ZNF462: variants seen among roughly 807,000 people sequenced by gnomAD.
ZNF462 encodes zinc finger protein 462.
ZNF462 carries 10 observed loss-of-function variants against 201.9 expected under a neutral mutation model. The observed-to-expected ratio is 0.05, with a 90% CI of 0.03 to 0.08. The LOEUF is 0.08. Among genes scored for constraint, ZNF462 ranks in the 10% least tolerant of loss-of-function variants. The probability of loss-of-function intolerance (pLI) is 1.00; values close to 1 mark genes in which losing one functional copy is unlikely to be tolerated. For missense variants in ZNF462, 2,523 were observed against 3,168.3 expected (o/e 0.80, Z 4.89); for synonymous variants, 1,227 against 1,193.3 (o/e 1.03, Z -0.58).
rs765320628 is a variant in ZNF462, at chr9:106,968,842, A to T, written c.6428-3163A>T. 5.3e-5 allele frequency among the ~76,000 whole-genome samples: 8 copies of T among 152,254 alleles called. No individual in the cohort carries two copies. Among genetic ancestry groups the T allele is most frequent in the Middle Eastern group, 3.4e-3 (1 of 294 alleles). ...ATGAAAGAAAATAGTCTTAATGATG[A>T]TTTTTAACTTATGTGACATGCCCTT... On this transcript the variant is annotated intron_variant, in intron 7 of 12. Coordinates refer to ENST00000277225, the MANE Select transcript of ZNF462 (RefSeq NM_021224.6). The surrounding 1 kb of genome is among the most constrained non-coding windows in gnomAD (Gnocchi z 4.0).
chr9:106,918,138 G>A lies in ZNF462; in HGVS notation c.-30-5216G>A, dbSNP rs1048672102. On this transcript the variant is annotated intron_variant, in intron 1 of 12. Coordinates refer to ENST00000277225, the MANE Select transcript of ZNF462 (RefSeq NM_021224.6). ...GATTCATCCACCTCGGCCTCCCAAA[G>A]TGCTGGAATTACAGGCGTGAGCCAC... 7.2e-5 allele frequency among the ~76,000 whole-genome samples: 11 copies of A among 152,074 alleles called. No individual in the cohort carries two copies. The South Asian group carries it at 2.3e-3, about 32-fold the overall frequency.
chr9:106,925,471 A>T lies in ZNF462; in HGVS notation c.1559A>T (p.Tyr520Phe), dbSNP rs144070292. Reference sequence around the variant, plus strand: ...TCACTGAATGAAGGTGTGGTGTCTTATGAGAGCTCAAGCATCAATGGTAGA... The same window carrying T: ...TCACTGAATGAAGGTGTGGTGTCTTTTGAGAGCTCAAGCATCAATGGTAGA... ...SSSLNEGVVS[Y>F]ESSSINGRKS... The change falls in exon 3 of 13, where the codon TAT (tyrosine) becomes TTT (phenylalanine). Residue 520 changes from tyrosine to phenylalanine, a missense_variant. Physicochemically the swap from Tyr to Phe is conservative, Grantham distance 22. Coordinates refer to ENST00000277225, the MANE Select transcript of ZNF462 (RefSeq NM_021224.6). The surrounding 1 kb of genome is among the most constrained non-coding windows in gnomAD (Gnocchi z 7.9). 1.3e-5 allele frequency: 21 copies of T among 1,614,040 alleles called. No individual in the cohort carries two copies. Among genetic ancestry groups the T allele is most frequent in the Non-Finnish European group, 1.6e-5 (19 of 1,180,036 alleles).
intron 1 of ZNF462, among the ~76,000 whole-genome samples, chr9:106,867,738 G>C (rs932953841): frequency 6.6e-6 from 1 of 152,152 alleles, no homozygotes; most frequent in Non-Finnish European, 1.5e-5. Context: ...TTTTTTCTGT[G>C]TGATGGAGTT....
At position 106,901,419 on chromosome 9, in the gene ZNF462, G is replaced by A. The variant is rs1322141664; in HGVS notation, c.-30-21935G>A. ...TGTGGGCTATTTTTTGGTTCCATAT[G>A]AATTTTAGAATTGTTTTTTCTAATT... On this transcript the variant is annotated intron_variant, in intron 1 of 12. Transcript: ENST00000277225. 3.3e-5 allele frequency among the ~76,000 whole-genome samples: 5 copies of A among 152,198 alleles called. No individual in the cohort carries two copies. The East Asian group carries it at 9.7e-4, about 29-fold the overall frequency.
chr9:106,912,337 A>C (rs7855909), intron 1 of ZNF462, among the ~76,000 whole-genome samples: 29,390 of 152,174 alleles, frequency 0.19, 3,193 homozygotes, highest in African/African-American at 0.29. Flanking sequence ...AGTCTTCCAA[A>C]CATGTTTCCA....
chr9:106,980,076 A>G (rs1185871304), intron 9 of ZNF462, among the ~76,000 whole-genome samples: 2 of 152,150 alleles, frequency 1.3e-5, no homozygotes. Flanking sequence ...GTGAAATTAC[A>G]TGTTTCCTTT....
At chr9:106,948,904 T>C (rs1216251406) in intron 7 of ZNF462, among the ~76,000 whole-genome samples, 5 of 152,084 alleles carry the variant, frequency 3.3e-5, no homozygotes, top group South Asian at 2.1e-4. Flanking sequence ...CTCAGAGTTA[T>C]AGAAGGCCTT....
chr9:106,987,036 G>GATAT (rs1483638261), intron 10 of ZNF462, among the ~76,000 whole-genome samples: 6 of 139,688 alleles, frequency 4.3e-5, no homozygotes, highest in South Asian at 2.3e-4. Flanking sequence ...TAGATAGATA[G>GATAT]ATATCACAGT....
At chr9:106,911,272 C>G (rs753249507) in intron 1 of ZNF462, among the ~76,000 whole-genome samples, 2 of 152,158 alleles carry the variant, frequency 1.3e-5, no homozygotes, top group Non-Finnish European at 2.9e-5. Context: ...TATTTGCAAA[C>G]AGTAGTTGTC....
In ZNF462 at chr9:106,932,237, CAT is replaced by C. The variant is rs1491568616; in HGVS notation, c.6013-208_6013-207del. 5.8e-6 allele frequency: 9 copies of C among 1,546,684 alleles called. No individual in the cohort carries two copies. The highest frequency in any genetic ancestry group is 2.4e-5 in the East Asian group (1 of 40,874). ...ATGGATATTTATTTTGTTGGTGGGGCATGTGTGTGTGTGTGGTTCTCTTAGCA... is the reference window on the plus strand; with the variant it reads ...ATGGATATTTATTTTGTTGGTGGGGCGTGTGTGTGTGTGGTTCTCTTAGCA... On this transcript the variant is annotated intron_variant, in intron 4 of 12. Coordinates refer to ENST00000277225, the MANE Select transcript of ZNF462 (RefSeq NM_021224.6). The surrounding 1 kb of genome is among the most constrained non-coding windows in gnomAD (Gnocchi z 6.8).
rs943840292 is a variant in ZNF462, at chr9:106,978,547, A to G, written c.6832+4274A>G. 2.0e-5 allele frequency among the ~76,000 whole-genome samples: 3 copies of G among 151,572 alleles called. No individual in the cohort carries two copies. Among genetic ancestry groups the G allele is most frequent in the African/African-American group, 7.3e-5 (3 of 40,826 alleles). ...CATTCAGGAACTGTGAACTTAGGTC[A>G]GATCAACGTTTGGTGAGATTGACCA... is the stretch of plus-strand genomic sequence containing the variant. On this transcript the variant is annotated intron_variant, in intron 9 of 12. Transcript: ENST00000277225. The surrounding 1 kb of genome is among the most constrained non-coding windows in gnomAD (Gnocchi z 4.1).
rs570977481 is a variant in ZNF462 at position 106,891,002 on chromosome 9, C to T, written c.-31+27647C>T. Among the ~76,000 whole-genome samples the T allele has an allele frequency of 2.6e-5, 4 of 152,066 alleles. No individual in the cohort carries two copies. The East Asian group carries it at 7.7e-4, about 29-fold the overall frequency. ...TTTTGGAAAAATCGTATGGCTAGTA[C>T]AGGAAATCAAGGAGATTTTTAGCTA... On this transcript the variant is annotated intron_variant, in intron 1 of 12. Coordinates refer to ENST00000277225, the MANE Select transcript of ZNF462 (RefSeq NM_021224.6).
Position 106,972,296 on chromosome 9 carries a change from T to C in ZNF462, c.6695+24T>C, listed in dbSNP as rs756701748. The C allele has an allele frequency of 6.2e-7, 1 of 1,604,412 alleles. No individual in the cohort carries two copies. The highest frequency in any genetic ancestry group is 8.5e-7 in the Non-Finnish European group (1 of 1,173,996). On this transcript the variant is annotated intron_variant, in intron 8 of 12. Transcript: ENST00000277225. The surrounding 1 kb of genome is among the most constrained non-coding windows in gnomAD (Gnocchi z 4.8). ...AAGTAAGTGACGTAATGAACAGCTA[T>C]GGAAAACAAGGCGGCCGCCCCTGCT...
At chr9:106,951,698 AGCAACGGATCT>A (rs1322555434) in intron 7 of ZNF462, among the ~76,000 whole-genome samples, 3 of 152,104 alleles carry the variant, frequency 2.0e-5, no homozygotes, top group Non-Finnish European at 4.4e-5. Context: ...GGTTGTTGAC[AGCAACGGATCT>A]GCAACATTTG....
intron 10 of ZNF462, among the ~76,000 whole-genome samples, chr9:106,996,641 G>A (rs1365513500): frequency 6.6e-6 from 1 of 152,094 alleles, no homozygotes. Flanking sequence ...CATATCCTTT[G>A]CCCACTTTTT....
At chr9:106,863,509 TGGAAGA>T (rs1259601225) in intron 1 of ZNF462, among the ~76,000 whole-genome samples, 154 bp downstream of exon 1, 2 of 136,702 alleles carry the variant, frequency 1.5e-5, no homozygotes, top group Non-Finnish European at 3.1e-5. Context: ...GACTGGCTGT[TGGAAGA>T]GGAGAAGAAG....
intron 1 of ZNF462, among the ~76,000 whole-genome samples, chr9:106,908,933 ATATATATATTTTTTTTTTTTTTTTTTTTT>A (rs1829409657): frequency 8.3e-5 from 3 of 35,956 alleles, no homozygotes; most frequent in South Asian, 2.5e-3. Flanking sequence ...ATATATATAT[ATATATATATTTTTTTTTTTTTTTTTTTTT>A]TTTTTTTTTT....
chr9:106,990,459 C>G (rs1828181431), intron 10 of ZNF462, among the ~76,000 whole-genome samples: 1 of 151,946 alleles, frequency 6.6e-6, no homozygotes, highest in African/African-American at 2.4e-5. Flanking sequence ...TAGTTTAAAT[C>G]CATTGTTCTT....
chr9:106,873,337 A>G (rs7033661), intron 1 of ZNF462, among the ~76,000 whole-genome samples: 70,299 of 151,908 alleles, frequency 0.46, 19,306 homozygotes, highest in African/African-American at 0.78. Flanking sequence ...ACACTTTAGG[A>G]AATAAACATT....
Sources: gnomAD v4.1 joint callset for allele counts (sites outside exome capture counted in the v4.1 genomes callset) on GRCh38, gnomAD v4.1.1 for gene constraint, Gnocchi (gnomAD v3.1) non-coding constraint, MANE v1.5 for transcripts, NCBI Gene and HGNC (gene_info 2026-07-23, HGNC 2026-07-21) for gene names.